MEGF9: variants seen among roughly 807,000 people sequenced by gnomAD.
The protein encoded by MEGF9 is multiple epidermal growth factor-like domains protein 9.
A neutral mutation model predicts 46.8 loss-of-function variants in MEGF9; 6 were observed. The observed-to-expected ratio is 0.13, with a 90% CI of 0.07 to 0.25. MEGF9 has a LOEUF of 0.25. Among genes scored for constraint, MEGF9 ranks in the 10% least tolerant of loss-of-function variants. The pLI is 1.00. For synonymous variants in MEGF9, 302 were observed against 330.7 expected (o/e 0.91, Z 0.94); for missense variants, 683 against 792.4 (o/e 0.86, Z 1.66).
intron 3 of MEGF9, among the ~76,000 whole-genome samples, chr9:120,620,871 C>A (rs1467556360): frequency 6.6e-6 from 1 of 151,744 alleles, no homozygotes; most frequent in East Asian, 1.9e-4. Flanking sequence ...AAAACAATTT[C>A]TTCTAAATCA....
intron 2 of MEGF9, among the ~76,000 whole-genome samples, chr9:120,636,078 C>T (rs189809312): frequency 5.3e-5 from 8 of 152,190 alleles, no homozygotes; most frequent in Admixed American, 2.0e-4. Context: ...GGAATTAACA[C>T]GTGTATGTCA....
chr9:120,675,887 CAAAAAAA>C lies in MEGF9; in HGVS notation c.602-16319_602-16313del, dbSNP rs1173047863. On this transcript the variant is annotated intron_variant, in intron 1 of 5. Coordinates refer to ENST00000373930, the MANE Select transcript of MEGF9 (RefSeq NM_001080497.3). ...TGGCCGACAGAGCGAGACTCCATCT[CAAAAAAA>C]AAAAAAAAAAAAAAAACAACCTATT... Among the ~76,000 whole-genome samples the C allele has an allele frequency of 5.2e-5, 3 of 58,158 alleles. No homozygotes were observed. The East Asian group carries it at 1.7e-3, about 33-fold the overall frequency. The allele number at this position is 58,158 out of a possible 152,430, so 38.2% of individuals were successfully genotyped here. A position where few individuals can be genotyped will look rare whatever the true frequency, so the allele number is the denominator to read the frequency against.
intron 2 of MEGF9, among the ~76,000 whole-genome samples, chr9:120,652,154 A>G (rs1193797865): frequency 2.9e-5 from 1 of 34,334 alleles, no homozygotes; most frequent in African/African-American, 9.8e-5. Flanking sequence ...ACACACACAC[A>G]CACACACACA....
chr9:120,609,012 T>C (rs970353148), intron 4 of MEGF9, among the ~76,000 whole-genome samples: 4 of 152,214 alleles, frequency 2.6e-5, no homozygotes, highest in African/African-American at 9.6e-5. Flanking sequence ...CTACATTCAC[T>C]TTGAACTTCA....
chr9:120,684,258 A>ATTT (rs1166169300), intron 1 of MEGF9, among the ~76,000 whole-genome samples: 5 of 152,230 alleles, frequency 3.3e-5, no homozygotes, highest in African/African-American at 7.2e-5. Flanking sequence ...CTATCTGTAT[A>ATTT]TTATACACTG....
chr9:120,624,422 T>G (rs2043514837), intron 2 of MEGF9, among the ~76,000 whole-genome samples: 1 of 152,016 alleles, frequency 6.6e-6, no homozygotes, highest in Admixed American at 6.6e-5. Flanking sequence ...GAGACAGGGT[T>G]TTCCCCTGTT....
At chr9:120,686,697 T>A (rs2043824461) in intron 1 of MEGF9, among the ~76,000 whole-genome samples, 1 of 152,220 alleles carries the variant, frequency 6.6e-6, no homozygotes, top group Admixed American at 6.5e-5. Flanking sequence ...AGTACACCAA[T>A]CTTTAAAGTC....
chr9:120,610,375 A>G (rs2043439637), intron 4 of MEGF9, among the ~76,000 whole-genome samples: 1 of 152,202 alleles, frequency 6.6e-6, no homozygotes, highest in Admixed American at 6.5e-5. Flanking sequence ...CATGCCTGTC[A>G]TGGGCAGACC....
At chr9:120,692,036 T>C (rs2043850760) in intron 1 of MEGF9, among the ~76,000 whole-genome samples, 1 of 152,192 alleles carries the variant, frequency 6.6e-6, no homozygotes, top group South Asian at 2.1e-4. Flanking sequence ...TCCTCATCCA[T>C]ATTTAAGTTT....
chr9:120,704,582 A>G (rs2043920077), intron 1 of MEGF9, among the ~76,000 whole-genome samples: 1 of 152,226 alleles, frequency 6.6e-6, no homozygotes, highest in Non-Finnish European at 1.5e-5. Context: ...AACTTAAAAG[A>G]CAATGGTTTA....
intron 2 of MEGF9, among the ~76,000 whole-genome samples, chr9:120,644,604 C>T (rs920710812): frequency 6.6e-6 from 1 of 152,194 alleles, no homozygotes; most frequent in Non-Finnish European, 1.5e-5. Flanking sequence ...GTTTCTGCCA[C>T]TTATTAGTTG....
At chr9:120,624,288 C>T (rs1258713103) in intron 2 of MEGF9, among the ~76,000 whole-genome samples, 1 of 152,070 alleles carries the variant, frequency 6.6e-6, no homozygotes, top group Non-Finnish European at 1.5e-5. Context: ...GCTGCAGTGG[C>T]GTGATTTCGG....
chr9:120,617,352 T>C (rs1291447563), intron 3 of MEGF9, among the ~76,000 whole-genome samples: 3 of 152,228 alleles, frequency 2.0e-5, no homozygotes, highest in Non-Finnish European at 4.4e-5. Context: ...CATTTCATCA[T>C]TTATATATAA....
At chr9:120,692,859 G>A (rs1380779131) in intron 1 of MEGF9, among the ~76,000 whole-genome samples, 1 of 152,126 alleles carries the variant, frequency 6.6e-6, no homozygotes, top group Non-Finnish European at 1.5e-5. Flanking sequence ...ACATCCCACA[G>A]AAAGCCTTTC....
chr9:120,682,052 C>T (rs1009952574), intron 1 of MEGF9, among the ~76,000 whole-genome samples: 1 of 152,126 alleles, frequency 6.6e-6, no homozygotes, highest in Non-Finnish European at 1.5e-5. Flanking sequence ...GCAACAACAA[C>T]AAAAAACACC....
chr9:120,625,513 G>C (rs902034334), intron 2 of MEGF9, among the ~76,000 whole-genome samples: 2 of 151,618 alleles, frequency 1.3e-5, no homozygotes, highest in South Asian at 4.2e-4. Flanking sequence ...CAGCCTGGGC[G>C]ACACAGGGAG....
intron 2 of MEGF9, among the ~76,000 whole-genome samples, chr9:120,637,294 G>C (rs1422968894): frequency 6.6e-6 from 1 of 152,168 alleles, no homozygotes; most frequent in South Asian, 2.1e-4. Context: ...GTGGAAGGCC[G>C]CAGGGTCCTC....
At chr9:120,690,319 A>AC (rs1467351826) in intron 1 of MEGF9, among the ~76,000 whole-genome samples, 3 of 152,094 alleles carry the variant, frequency 2.0e-5, no homozygotes, top group African/African-American at 4.8e-5. Context: ...AACTTTACTC[A>AC]CCCAGAGACC....
intron 2 of MEGF9, among the ~76,000 whole-genome samples, chr9:120,626,698 T>C (rs952757424): frequency 2.6e-5 from 4 of 152,166 alleles, no homozygotes; most frequent in African/African-American, 9.7e-5. Context: ...GAAAGGAGTA[T>C]CAGAGTTTAT....
Sources: gnomAD v4.1 joint callset for allele counts (sites outside exome capture counted in the v4.1 genomes callset) on GRCh38, gnomAD v4.1.1 for gene constraint, MANE v1.5 for transcripts, NCBI Gene and HGNC (gene_info 2026-07-23, HGNC 2026-07-21) for gene names.